The following TAFA2 variants were observed in gnomAD, a reference collection of about 807,000 sequenced individuals.
The protein encoded by TAFA2 is TAFA chemokine like family member 2, also known as chemokine-like protein TAFA-2.
Under a neutral mutation model 18.8 loss-of-function variants are expected in TAFA2, and 7 were observed. That is an observed-to-expected ratio of 0.37 (90% CI 0.21 to 0.70). The LOEUF (loss-of-function observed/expected upper bound fraction) is 0.70. Ranked by LOEUF, TAFA2 falls within the 30% of genes least tolerant of loss-of-function variation. The pLI is 0.53. For missense variants in TAFA2, 122 were observed against 158.1 expected, an observed-to-expected ratio of 0.77 and a Z score of 1.23; for synonymous variants, 60 against 54.2, an observed-to-expected ratio of 1.11 and a Z score of -0.47.
chr12:62,075,215 ATAATT>A (rs1882731087), intron 1 of TAFA2, among the ~76,000 whole-genome samples: 1 of 152,252 alleles, frequency 6.6e-6, no homozygotes, highest in South Asian at 2.1e-4. Flanking sequence ...TAATATGTAA[ATAATT>A]TAATGTACTG....
At chr12:62,102,108 G>T (rs143961926) in intron 1 of TAFA2, among the ~76,000 whole-genome samples, 240 of 152,264 alleles carry the variant, frequency 1.6e-3, no homozygotes, top group South Asian at 1.5e-3. Context: ...ATAATTAACT[G>T]CAAGAGCATA....
intron 1 of TAFA2, among the ~76,000 whole-genome samples, chr12:62,187,836 A>C (rs932799752): frequency 6.6e-6 from 1 of 152,148 alleles, no homozygotes; most frequent in African/African-American, 2.4e-5. Context: ...CTAAAGTAAA[A>C]CTGTTTTCTA....
intron 2 of TAFA2, among the ~76,000 whole-genome samples, chr12:61,860,938 G>A (rs1465632411): frequency 1.3e-5 from 2 of 152,148 alleles, no homozygotes; most frequent in Non-Finnish European, 2.9e-5. Flanking sequence ...CATGAGTCAT[G>A]TCTGTTTTGC....
chr12:61,941,967 T>G (rs1027038799), intron 1 of TAFA2, among the ~76,000 whole-genome samples: 1 of 152,028 alleles, frequency 6.6e-6, no homozygotes, highest in Admixed American at 6.5e-5. Flanking sequence ...CAAGGAGGCC[T>G]GCCTGCCTCT....
intron 2 of TAFA2, among the ~76,000 whole-genome samples, chr12:61,850,929 A>T (rs1326947907): frequency 1.3e-5 from 2 of 152,218 alleles, no homozygotes; most frequent in African/African-American, 4.8e-5. Flanking sequence ...TAGAAAAAAC[A>T]AAGATATCTG....
chr12:61,864,712 T>C lies in TAFA2; in HGVS notation c.106+2608A>G, dbSNP rs570633726. 2.8e-5 allele frequency among the ~76,000 whole-genome samples: 4 copies of C among 143,416 alleles called. No homozygotes were observed. In the Admixed American group the frequency reaches 2.9e-4, roughly 10 times the overall value. The allele number at this position is 143,416 out of a possible 152,430, so 94.1% of individuals were successfully genotyped here. The stretch of plus-strand genomic sequence containing the variant: ...GGCGTGAACCCGGGAGGCGGAGCTT[T>C]CAGTGAGCTGAGATCACGCCACTGC... On this transcript the variant is annotated intron_variant, in intron 2 of 4. Transcript: ENST00000416284.
chr12:61,732,276 A>AG (rs1870487545), intron 4 of TAFA2, among the ~76,000 whole-genome samples: 1 of 152,150 alleles, frequency 6.6e-6, no homozygotes, highest in Non-Finnish European at 1.5e-5. Flanking sequence ...TGTCAGTGAA[A>AG]TAAGCAAGGA....
At chr12:61,819,282 C>T (rs908632854) in intron 2 of TAFA2, among the ~76,000 whole-genome samples, 4 of 152,110 alleles carry the variant, frequency 2.6e-5, no homozygotes, top group South Asian at 2.1e-4. Flanking sequence ...CTATAAAAAT[C>T]GTGACTACCC....
intron 1 of TAFA2, among the ~76,000 whole-genome samples, chr12:62,051,826 A>G (rs983677297): frequency 1.3e-5 from 2 of 152,050 alleles, no homozygotes; most frequent in Non-Finnish European, 2.9e-5. Context: ...AGAAACTTGC[A>G]AATAAGTTTT....
intron 1 of TAFA2, among the ~76,000 whole-genome samples, chr12:61,929,088 T>C (rs1877435511): frequency 6.6e-6 from 1 of 150,714 alleles, no homozygotes; most frequent in Non-Finnish European, 1.5e-5. Context: ...CGCAAACCAC[T>C]ACAGCACATG....
intron 1 of TAFA2, among the ~76,000 whole-genome samples, chr12:61,896,208 C>T (rs1875836194): frequency 6.6e-6 from 1 of 152,088 alleles, no homozygotes. Context: ...TTATTTAAAG[C>T]CTAAAACTTA....
intron 1 of TAFA2, among the ~76,000 whole-genome samples, chr12:62,060,107 T>G (rs1248142401): frequency 6.6e-6 from 1 of 152,198 alleles, no homozygotes; most frequent in Non-Finnish European, 1.5e-5. Context: ...TTTTACCATT[T>G]TACTCCTTCA....
intron 2 of TAFA2, among the ~76,000 whole-genome samples, chr12:61,829,282 T>G (rs560089316): frequency 6.6e-6 from 1 of 151,866 alleles, no homozygotes; most frequent in South Asian, 2.1e-4. Context: ...TTGAGAAGCT[T>G]GAACAGTTAA....
chr12:62,050,406 T>TA (rs1383543802), intron 1 of TAFA2, among the ~76,000 whole-genome samples: 1 of 151,660 alleles, frequency 6.6e-6, no homozygotes, highest in Non-Finnish European at 1.5e-5. Flanking sequence ...CCGTCTCTAC[T>TA]AAAAAATACA....
intron 2 of TAFA2, among the ~76,000 whole-genome samples, chr12:61,775,404 T>C (rs960967629): frequency 6.6e-6 from 1 of 151,734 alleles, no homozygotes; most frequent in Non-Finnish European, 1.5e-5. Flanking sequence ...AAAGAAGATA[T>C]CCTTCAACAG....
chr12:61,899,997 C>T (rs1876027083), intron 1 of TAFA2, among the ~76,000 whole-genome samples: 2 of 152,174 alleles, frequency 1.3e-5, no homozygotes, highest in Non-Finnish European at 2.9e-5. Context: ...TAAGGGAAGA[C>T]TGTATTTCGA....
intron 1 of TAFA2, among the ~76,000 whole-genome samples, chr12:62,233,720 CTCAATCCCTGGGG>C (rs1340245614): frequency 6.6e-6 from 1 of 152,172 alleles, no homozygotes; most frequent in Non-Finnish European, 1.5e-5. Context: ...TATCCAAGAC[CTCAATCCCTGGGG>C]CTAGTGAATG....
chr12:61,920,707 T>C (rs1209297432), intron 1 of TAFA2, among the ~76,000 whole-genome samples: 1 of 152,132 alleles, frequency 6.6e-6, no homozygotes, highest in Admixed American at 6.6e-5. Flanking sequence ...TCTGTCAGTT[T>C]AATTTCAAGA....
chr12:61,725,683 A>G (rs900863313), intron 4 of TAFA2, among the ~76,000 whole-genome samples: 9 of 152,062 alleles, frequency 5.9e-5, no homozygotes, highest in African/African-American at 2.2e-4. Flanking sequence ...TTTGGTGACT[A>G]TAGCCTTATA....
Sources: gnomAD v4.1 joint callset for allele counts (sites outside exome capture counted in the v4.1 genomes callset) on GRCh38, gnomAD v4.1.1 for gene constraint, MANE v1.5 for transcripts, NCBI Gene and HGNC (gene_info 2026-07-23, HGNC 2026-07-21) for gene names.